PRORP: variants seen among roughly 807,000 people sequenced by gnomAD.
PRORP encodes the protein mitochondrial ribonuclease P catalytic subunit.
In PRORP, 51 loss-of-function variants were observed where a neutral mutation model predicts 59.4. The ratio of observed to expected loss-of-function variants is 0.86; its 90% confidence interval spans 0.69 to 1.08. The LOEUF (loss-of-function observed/expected upper bound fraction) is 1.08. Ranked by LOEUF, PRORP falls within the 50% of genes least tolerant of loss-of-function variation. The pLI, the probability that PRORP is intolerant of heterozygous loss-of-function variation, is 0.00. For synonymous variants in PRORP, 231 were observed against 245.6 expected, an observed-to-expected ratio of 0.94 and a Z score of 0.55; for missense variants, 646 against 690.3, an observed-to-expected ratio of 0.94 and a Z score of 0.72.
intron 5 of PRORP, among the ~76,000 whole-genome samples, chr14:35,202,179 G>C (rs886248344): frequency 6.6e-6 from 1 of 151,370 alleles, no homozygotes; most frequent in African/African-American, 2.4e-5. Context: ...CCATGGTCTC[G>C]ATCTCCTGAC....
In PRORP at chr14:35,127,497, T is replaced by C. The variant is rs1387159866; in HGVS notation, c.1053T>C (p.Cys351=). 1.2e-6 allele frequency: 2 copies of C among 1,608,888 alleles called. No homozygotes were observed. Among genetic ancestry groups the C allele is most frequent in the South Asian group, 1.1e-5 (1 of 90,148 alleles). ...ATTACAGTGGCCAGTGTTCGGGCTG[T>C]GGAAAAACCATAGAGTCTATTCAGC... ...TVRKSGQCSG[C]GKTIESIQLS... The change falls in exon 4 of 8, where the codon TGT becomes TGC. Residue 351 remains cysteine (C), a synonymous_variant. Coordinates refer to ENST00000534898, the MANE Select transcript of PRORP (RefSeq NM_014672.4).
intron 4 of PRORP, among the ~76,000 whole-genome samples, chr14:35,177,538 T>A (rs1008477629): frequency 2.0e-5 from 3 of 152,196 alleles, no homozygotes; most frequent in Non-Finnish European, 4.4e-5. Context: ...CGTAGAGGTG[T>A]TTATAGTATT....
At chr14:35,211,454 T>C (rs2049443938) in intron 5 of PRORP, among the ~76,000 whole-genome samples, 1 of 152,116 alleles carries the variant, frequency 6.6e-6, no homozygotes, top group Non-Finnish European at 1.5e-5. Context: ...ATGATTCTTG[T>C]TTTTACAGCT....
At chr14:35,216,304 G>GTTT (rs1013464240) in intron 5 of PRORP, among the ~76,000 whole-genome samples, 2 of 147,708 alleles carry the variant, frequency 1.4e-5, no homozygotes, top group Admixed American at 6.8e-5. Flanking sequence ...TCCTTTCTGG[G>GTTT]TTTTTTTTGT....
chr14:35,143,716 C>T (rs971795342), intron 4 of PRORP, among the ~76,000 whole-genome samples: 5 of 145,158 alleles, frequency 3.4e-5, no homozygotes, highest in African/African-American at 9.8e-5. Context: ...GGCGCGATCT[C>T]GGCTCACCGC....
At chr14:35,245,201 G>A (rs2050454459) in intron 5 of PRORP, among the ~76,000 whole-genome samples, 1 of 152,208 alleles carries the variant, frequency 6.6e-6, no homozygotes, top group Non-Finnish European at 1.5e-5. Context: ...GCTTTCAGGA[G>A]TAGGTCAAAA....
intron 5 of PRORP, chr14:35,262,558 C>A: frequency 1.5e-6 from 1 of 686,778 alleles, no homozygotes; most frequent in South Asian, 1.4e-5. Flanking sequence ...CAGAGGAACC[C>A]TGCAGAGGGA....
At chr14:35,251,058 T>G (rs1364251882) in intron 5 of PRORP, among the ~76,000 whole-genome samples, 2 of 152,164 alleles carry the variant, frequency 1.3e-5, no homozygotes, top group Non-Finnish European at 2.9e-5. Context: ...GTCCATTGTG[T>G]CATTCTTTTG....
chr14:35,228,251 G>A (rs1337868382), intron 5 of PRORP, among the ~76,000 whole-genome samples: 1 of 152,054 alleles, frequency 6.6e-6, no homozygotes, highest in Non-Finnish European at 1.5e-5. Flanking sequence ...CCTTGTGTGT[G>A]AAAAAAGAAA....
intron 4 of PRORP, among the ~76,000 whole-genome samples, chr14:35,132,125 C>T (rs1398957931): frequency 2.0e-5 from 3 of 151,916 alleles, no homozygotes; most frequent in Non-Finnish European, 4.4e-5. Context: ...AGGCATGAGC[C>T]ACTGCGCCCA....
Position 35,180,665 on chromosome 14 carries a change from A to G in PRORP, c.1168-5A>G. On this transcript the variant is annotated splice_region_variant and splice_polypyrimidine_tract_variant and intron_variant, in intron 4 of 7. Transcript: ENST00000534898. The stretch of plus-strand genomic sequence containing the variant: ...TTAATGTTTTGTCTGACATTTCTTT[A>G]TTAGGAACTTAAGAGATTTGAGAAC... 1 of 1,571,764 alleles carries G rather than the reference A, an allele frequency of 6.4e-7. No individual in the cohort carries two copies. Among genetic ancestry groups the G allele is most frequent in the Non-Finnish European group, 8.7e-7 (1 of 1,143,068 alleles).
chr14:35,220,737 A>G lies in PRORP; in HGVS notation c.1275+39960A>G, dbSNP rs182806537. ...ACACCTTTAATTTTAATTATTCCCC[A>G]TGACATGGCTTTTATTCTATTCATT... On this transcript the variant is annotated intron_variant, in intron 5 of 7. Coordinates refer to ENST00000534898, the MANE Select transcript of PRORP (RefSeq NM_014672.4). 2.1e-3 allele frequency among the ~76,000 whole-genome samples: 256 copies of G among 121,456 alleles called. 8 individuals carry two copies. The East Asian group carries it at 0.042, about 20-fold the overall frequency. 79.7% of individuals were successfully genotyped at this position (121,456 alleles called of 152,430 possible). A position where few individuals can be genotyped will look rare whatever the true frequency, so the allele number is the denominator to read the frequency against.
chr14:35,136,142 G>A (rs534760650), intron 4 of PRORP, among the ~76,000 whole-genome samples: 33 of 152,222 alleles, frequency 2.2e-4, no homozygotes, highest in African/African-American at 7.9e-4. Context: ...AATAAGGGTA[G>A]AGAAGGACCA....
intron 4 of PRORP, among the ~76,000 whole-genome samples, chr14:35,173,219 GTA>G (rs1442400346): frequency 4.6e-5 from 7 of 152,060 alleles, no homozygotes; most frequent in African/African-American, 1.7e-4. Flanking sequence ...TCACATTTCT[GTA>G]TTTCTTTTCA....
chr14:35,236,384 G>T (rs888691725), intron 5 of PRORP, among the ~76,000 whole-genome samples: 2 of 151,994 alleles, frequency 1.3e-5, no homozygotes, highest in Non-Finnish European at 2.9e-5. Flanking sequence ...TCTAGTTTCT[G>T]TCCTCCTCAT....
At chr14:35,217,627 T>G (rs2049639654) in intron 5 of PRORP, among the ~76,000 whole-genome samples, 1 of 152,156 alleles carries the variant, frequency 6.6e-6, no homozygotes, top group African/African-American at 2.4e-5. Flanking sequence ...ATTTTTGTAC[T>G]TGGTATGAGT....
At chr14:35,225,323 T>G (rs1299908435) in intron 5 of PRORP, among the ~76,000 whole-genome samples, 3 of 152,156 alleles carry the variant, frequency 2.0e-5, no homozygotes, top group Non-Finnish European at 4.4e-5. Context: ...TAATACCTGC[T>G]TTTCTACCCA....
intron 5 of PRORP, among the ~76,000 whole-genome samples, chr14:35,228,813 A>G (rs1194839547): frequency 6.6e-6 from 1 of 152,188 alleles, no homozygotes; most frequent in East Asian, 1.9e-4. Context: ...TTTTTAATAT[A>G]TACCCAGTAA....
chr14:35,134,742 C>T (rs567423385), intron 4 of PRORP, among the ~76,000 whole-genome samples: 27 of 152,196 alleles, frequency 1.8e-4, no homozygotes, highest in African/African-American at 6.3e-4. Context: ...GTGAGATGTG[C>T]GGCCTGGGCT....
Sources: allele counts gnomAD v4.1 joint callset (sites outside exome capture counted in the v4.1 genomes callset), GRCh38; gene constraint gnomAD v4.1.1; transcripts MANE v1.5; gene names NCBI Gene and HGNC (gene_info 2026-07-23, HGNC 2026-07-21).